The following POFUT3 variants were observed in gnomAD, a reference collection of about 807,000 sequenced individuals.
The protein encoded by POFUT3 is protein O-fucosyltransferase 3, also known as GDP-fucose protein O-fucosyltransferase 3.
chr8:33,375,028 C>T, the POFUT3 span, among the ~76,000 whole-genome samples: 1 of 151,680 alleles, frequency 6.6e-6, no homozygotes. Flanking sequence ...TTACAGGTGC[C>T]TGCCACTATG....
chr8:33,442,602 C>A, the POFUT3 span, among the ~76,000 whole-genome samples: 3 of 150,198 alleles, frequency 2.0e-5, no homozygotes, highest in Non-Finnish European at 4.4e-5. Flanking sequence ...CACTTCTTAA[C>A]CAAAAAAAGG....
the POFUT3 span, among the ~76,000 whole-genome samples, chr8:33,427,819 C>T: frequency 6.6e-6 from 1 of 151,970 alleles, no homozygotes; most frequent in Admixed American, 6.6e-5. Context: ...TTGGGGTTGG[C>T]AAGAGCGAAT....
the POFUT3 span, among the ~76,000 whole-genome samples, chr8:33,354,259 T>C: frequency 6.6e-6 from 1 of 152,168 alleles, no homozygotes; most frequent in Non-Finnish European, 1.5e-5. Context: ...TTATGGGAAT[T>C]GGCTCATTCA....
chr8:33,441,759 T>C, the POFUT3 span, among the ~76,000 whole-genome samples: 1 of 152,162 alleles, frequency 6.6e-6, no homozygotes. Context: ...AGAGATATAG[T>C]TGTCTGCTCT....
the POFUT3 span, among the ~76,000 whole-genome samples, chr8:33,391,664 C>T: frequency 1.3e-5 from 2 of 152,148 alleles, no homozygotes; most frequent in Non-Finnish European, 2.9e-5. Context: ...CACAAAGTTG[C>T]CACCTAAGGC....
chr8:33,456,157 CCTT>C, the POFUT3 span, among the ~76,000 whole-genome samples: 1 of 152,054 alleles, frequency 6.6e-6, no homozygotes, highest in African/African-American at 2.4e-5. Context: ...TTTCATCTGA[CCTT>C]CTTCCCCTGC....
the POFUT3 span, among the ~76,000 whole-genome samples, chr8:33,368,927 C>T: frequency 6.6e-6 from 1 of 152,158 alleles, no homozygotes; most frequent in Non-Finnish European, 1.5e-5. Context: ...TTAATACCAT[C>T]ATAATATCAA....
the POFUT3 span, among the ~76,000 whole-genome samples, chr8:33,374,522 C>T: frequency 5.9e-5 from 9 of 152,186 alleles, no homozygotes; most frequent in East Asian, 9.7e-4. Context: ...TTGATCCTAG[C>T]GCAGACAGAG....
chr8:33,379,257 G>GA, the POFUT3 span, among the ~76,000 whole-genome samples: 1 of 151,880 alleles, frequency 6.6e-6, no homozygotes, highest in Non-Finnish European at 1.5e-5. Context: ...TAAGCAGTGG[G>GA]AAAATGGAGT....
chr8:33,358,612 T>C, the POFUT3 span, among the ~76,000 whole-genome samples: 1 of 152,128 alleles, frequency 6.6e-6, no homozygotes, highest in East Asian at 1.9e-4. Context: ...ATGTTGAAAT[T>C]CTAACCTGCA....
the POFUT3 span, among the ~76,000 whole-genome samples, chr8:33,386,615 C>T: frequency 6.6e-6 from 1 of 152,144 alleles, no homozygotes; most frequent in African/African-American, 2.4e-5. Context: ...TCAAAACCAT[C>T]CTGGCTAACA....
the POFUT3 span, among the ~76,000 whole-genome samples, chr8:33,439,372 C>T: frequency 1.4e-3 from 218 of 152,042 alleles, no homozygotes; most frequent in African/African-American, 4.9e-3. Flanking sequence ...CAATGCACTC[C>T]AGCCTGAACA....
chr8:33,436,833 T>C, the POFUT3 span: 3 of 429,058 alleles, frequency 7.0e-6, no homozygotes, highest in African/African-American at 4.1e-5. Flanking sequence ...TGCATGATGC[T>C]GAAGTTTAGG....
At chr8:33,422,557 A>AC in the POFUT3 span, among the ~76,000 whole-genome samples, 3 of 142,232 alleles carry the variant, frequency 2.1e-5, no homozygotes, top group Non-Finnish European at 4.4e-5. Flanking sequence ...AAAAAAAAAA[A>AC]AAAAAAAAAA....
the POFUT3 span, among the ~76,000 whole-genome samples, chr8:33,320,348 G>C: frequency 6.6e-6 from 1 of 151,976 alleles, no homozygotes; most frequent in Non-Finnish European, 1.5e-5. Context: ...ACTAGCCTAA[G>C]AGAGTTTATT....
the POFUT3 span, among the ~76,000 whole-genome samples, chr8:33,310,690 CAAAA>C: frequency 7.8e-6 from 1 of 128,104 alleles, no homozygotes; most frequent in Non-Finnish European, 1.7e-5. Context: ...GACTCCATCT[CAAAA>C]AAAAAAAAAA....
chr8:33,410,409 T>C, the POFUT3 span, among the ~76,000 whole-genome samples: 46,073 of 152,100 alleles, frequency 0.3, 7,103 homozygotes, highest in South Asian at 0.44. Context: ...AGCTGGCATC[T>C]GGGCTTGTGT....
chr8:33,337,197 G>T, the POFUT3 span, among the ~76,000 whole-genome samples: 1 of 152,076 alleles, frequency 6.6e-6, no homozygotes, highest in African/African-American at 2.4e-5. Context: ...ATTTAATTAG[G>T]ATCTTGCTGT....
chr8:33,470,378 C>G, the POFUT3 span, among the ~76,000 whole-genome samples: 2 of 151,988 alleles, frequency 1.3e-5, no homozygotes, highest in Non-Finnish European at 2.9e-5. Context: ...TGTGATCGTG[C>G]CACTGCACTC....
Sources: gnomAD v4.1 joint callset for allele counts (sites outside exome capture counted in the v4.1 genomes callset) on GRCh38, gnomAD v4.1.1 for gene constraint, MANE v1.5 for transcripts, NCBI Gene and HGNC (gene_info 2026-07-23, HGNC 2026-07-21) for gene names.